The following CDHR2 variants were observed in gnomAD, a reference collection of about 807,000 sequenced individuals.
CDHR2 encodes the protein cadherin-related family member 2.
Under a neutral mutation model 138.6 loss-of-function variants are expected in CDHR2, and 104 were observed. The ratio of observed to expected loss-of-function variants is 0.75; its 90% CI spans 0.64 to 0.88. The LOEUF is 0.88. Ranked by LOEUF, CDHR2 falls within the 40% of genes least tolerant of loss-of-function variation. The pLI, the probability that CDHR2 is intolerant of heterozygous loss-of-function variation, is 0.00. For synonymous variants in CDHR2, 755 were observed against 742.8 expected, an observed-to-expected ratio of 1.02 and a Z score of -0.27; for missense variants, 1,624 against 1,727.6, an observed-to-expected ratio of 0.94 and a Z score of 1.06.
At chr5:176,577,592 G>T in intron 13 of CDHR2, 38 bp downstream of exon 13, 1 of 1,613,786 alleles carries the variant, frequency 6.2e-7, no homozygotes, top group South Asian at 1.1e-5. Flanking sequence ...CAGAAGCCGA[G>T]GGGCACTTGG....
At chr5:176,563,896 A>G (rs1268494393) in intron 1 of CDHR2, among the ~76,000 whole-genome samples, 1 of 152,180 alleles carries the variant, frequency 6.6e-6, no homozygotes, top group Admixed American at 6.5e-5. Flanking sequence ...ATATTCAATC[A>G]GCACAAAAGA....
At chr5:176,573,531 C>T (rs1758283860) in intron 6 of CDHR2, among the ~76,000 whole-genome samples, 1 of 151,540 alleles carries the variant, frequency 6.6e-6, no homozygotes, top group Non-Finnish European at 1.5e-5. Flanking sequence ...CCTATAATCC[C>T]ACCTACTGGG....
chr5:176,592,649 G>A (rs1758918325), intron 30 of CDHR2, 74 bp from the exon 31 acceptor site: 1 of 1,178,650 alleles, frequency 8.5e-7, no homozygotes, highest in Middle Eastern at 1.9e-4. Flanking sequence ...GGTGGTGATG[G>A]AGGTGGTGGT....
chr5:176,572,244 C>T lies in CDHR2; in HGVS notation c.405+942C>T, dbSNP rs571941043. 2.5e-4 allele frequency among the ~76,000 whole-genome samples: 37 copies of T among 150,842 alleles called. No homozygotes were observed. The East Asian group carries it at 6.9e-3, about 28-fold the overall frequency. Reference sequence around the variant, plus strand: ...ACTGAAAAAAAAAAAAAAAATTAGCCGAGTGTGGTGGCACATGCCTGTAAT... The same window carrying T: ...ACTGAAAAAAAAAAAAAAAATTAGCTGAGTGTGGTGGCACATGCCTGTAAT... On this transcript the variant is annotated intron_variant, in intron 6 of 31. Coordinates refer to ENST00000261944, the MANE Select transcript of CDHR2 (RefSeq NM_017675.6).
At chr5:176,544,167 G>C (rs998272287) in intron 1 of CDHR2, among the ~76,000 whole-genome samples, 2 of 152,246 alleles carry the variant, frequency 1.3e-5, no homozygotes, top group African/African-American at 2.4e-5. Flanking sequence ...CTGATGAGAC[G>C]GTGGAGCGGC....
At position 176,577,383 on chromosome 5, in the gene CDHR2, C is replaced by T. The variant is rs200778016; in HGVS notation, c.1195-16C>T. 6.2e-6 allele frequency: 10 copies of T among 1,600,540 alleles called. No homozygotes were observed. The East Asian group carries it at 1.6e-4, about 25-fold the overall frequency. ...AGCAGGGGGACAGGTCCCTGCTAGA[C>T]AGCCCACCTTTACAGGGCAGCAATG... On this transcript the variant is annotated splice_polypyrimidine_tract_variant and intron_variant, in intron 12 of 31. Transcript: ENST00000261944.
upstream of CDHR2, among the ~76,000 whole-genome samples, chr5:176,546,299 C>CT (rs149079053): frequency 3.7e-4 from 57 of 152,218 alleles, no homozygotes; most frequent in East Asian, 0.011. Context: ...TGTCTAAGGT[C>CT]TATTTTCCCA....
intron 12 of CDHR2, 31 bp from the exon 13 acceptor site, chr5:176,577,368 C>G (rs1426960855): frequency 6.3e-7 from 1 of 1,588,780 alleles, no homozygotes; most frequent in Admixed American, 1.8e-5. Context: ...AGCAGGGGGA[C>G]AGGTCCCTGC....
rs1757501154 is a variant in CDHR2 at position 176,543,325 on chromosome 5, G to A, written c.-16+556G>A. 6.8e-6 allele frequency among the ~76,000 whole-genome samples: 1 copy of A among 147,704 alleles called. No individual in the cohort carries two copies. On this transcript the variant is annotated intron_variant, in intron 1 of 31. Transcript: ENST00000510636. This position sits in a 1 kb window ranked among gnomAD's most constrained non-coding sequence, Gnocchi z 4.0. Reference sequence around the variant, plus strand: ...GCGCGTCGCTCCCGCTGCAGCCCAGGCTCGCGGTGCGGCTGCGGCCCGCGC... The same window carrying A: ...GCGCGTCGCTCCCGCTGCAGCCCAGACTCGCGGTGCGGCTGCGGCCCGCGC...
At chr5:176,552,548 C>T (rs1757729636) in intron 1 of CDHR2, among the ~76,000 whole-genome samples, 1 of 152,196 alleles carries the variant, frequency 6.6e-6, no homozygotes, top group Admixed American at 6.5e-5. Context: ...GAGATTTGAG[C>T]TTGGGAGTGA....
Position 176,575,751 on chromosome 5 carries a change from T to C in CDHR2, c.872T>C (p.Ile291Thr). ...TCCACGCGGCCCGGCTGGTTTGACA[T>C]CGGGGCAGATGGGGTGATCAGGGTC... Reference protein sequence around the residue: ...SYSTRPGWFDIGADGVIRVNG... With the variant: ...SYSTRPGWFDTGADGVIRVNG... Residue 291 changes from isoleucine (I) to threonine (T), a missense_variant, in exon 11 of 32, where the codon ATC becomes ACC. Coordinates refer to ENST00000261944, the MANE Select transcript of CDHR2 (RefSeq NM_017675.6). 3.2e-6 allele frequency: 5 copies of C among 1,570,294 alleles called. No individual in the cohort carries two copies. Among genetic ancestry groups the C allele is most frequent in the Non-Finnish European group, 4.3e-6 (5 of 1,157,044 alleles).
upstream of CDHR2, among the ~76,000 whole-genome samples, chr5:176,548,617 C>A (rs1757637952): frequency 6.6e-6 from 1 of 152,140 alleles, no homozygotes; most frequent in Non-Finnish European, 1.5e-5. Context: ...GAGGCCCACG[C>A]CTGTAATCCC....
intron 21 of CDHR2, 52 bp downstream of exon 21, chr5:176,586,894 G>T: frequency 6.7e-7 from 1 of 1,501,756 alleles, no homozygotes; most frequent in Non-Finnish European, 9.2e-7. Flanking sequence ...AGGGGACACA[G>T]GGCTGAGGCC....
At chr5:176,551,180 T>A (rs1387460081) in intron 1 of CDHR2, among the ~76,000 whole-genome samples, 1 of 152,192 alleles carries the variant, frequency 6.6e-6, no homozygotes, top group Non-Finnish European at 1.5e-5. Context: ...GGCTAATTTT[T>A]TTTTGTGAGA....
upstream of CDHR2, among the ~76,000 whole-genome samples, chr5:176,545,650 A>G (rs1426846124): frequency 6.6e-6 from 1 of 152,180 alleles, no homozygotes; most frequent in East Asian, 1.9e-4. Flanking sequence ...CAAGGACACC[A>G]ATAGTGTGGG....
chr5:176,547,194 G>T (rs1201112740), upstream of CDHR2, among the ~76,000 whole-genome samples: 3 of 152,066 alleles, frequency 2.0e-5, no homozygotes, highest in Admixed American at 2.0e-4. Flanking sequence ...GGCCAGGCTG[G>T]TCTCGAATTC....
Position 176,571,268 on chromosome 5 carries a change from T to C in CDHR2, c.371T>C (p.Phe124Ser). ...VEDRNDNAPV[F>S]QNTAFSTSIN... ...GATAGAAACGACAACGCACCCGTTT[T>C]CCAGAACACCGCTTTCTCCACCAGC... is the stretch of plus-strand genomic sequence containing the variant. Residue 124 changes from phenylalanine to serine, a missense_variant, in exon 6 of 32, where the codon TTC (phenylalanine) becomes TCC (serine). Phe to Ser is a radical substitution (Grantham distance 155). This residue lies in a region of CDHR2 where 1,061 missense variants were observed against 1,136.6 expected (regional missense o/e 0.93). Transcript: ENST00000261944. 1 of 1,612,022 alleles carries C rather than the reference T, an allele frequency of 6.2e-7. No homozygotes were observed. The highest frequency in any genetic ancestry group is 8.5e-7 in the Non-Finnish European group (1 of 1,179,236).
rs1758777792 is a variant in CDHR2 at position 176,589,402 on chromosome 5, C to T, written c.3081C>T (p.Ser1027=). 3 of 1,579,544 alleles carry T rather than the reference C, an allele frequency of 1.9e-6. No homozygotes were observed. The highest frequency in any genetic ancestry group is 1.3e-5 in the African/African-American group (1 of 74,510). The change falls in exon 23 of 32, where the codon TCC becomes TCT. Residue 1027 remains serine, a synonymous_variant. Transcript: ENST00000261944. ...CAGTCCAGGCCAGGGACAGACCTTC[C>T]TTGGGTCCTTTCCTGGAAGCCACCA... is the stretch of plus-strand genomic sequence containing the variant. ...QVTVQARDRP[S]LGPFLEATTT... is the part of the protein sequence containing the mutation.
intron 3 of CDHR2, chr5:176,567,169 G>T: frequency 3.6e-6 from 1 of 276,602 alleles, no homozygotes; most frequent in Admixed American, 6.0e-5. Context: ...GGAGTGCACA[G>T]GACTTTTTTT....
Sources: allele counts gnomAD v4.1 joint callset (sites outside exome capture counted in the v4.1 genomes callset), GRCh38; gene constraint gnomAD v4.1.1; regional missense constraint gnomAD v4.1.1; non-coding constraint Gnocchi (gnomAD v3.1); transcripts MANE v1.5; gene names NCBI Gene and HGNC (gene_info 2026-07-23, HGNC 2026-07-21).